The following AGPAT3 variants were observed in gnomAD, a reference collection of about 807,000 sequenced individuals.
AGPAT3 encodes the protein 1-acylglycerol-3-phosphate O-acyltransferase 3, also known as 1-acyl-sn-glycerol-3-phosphate acyltransferase gamma.
AGPAT3 carries 5 observed loss-of-function variants against 47.3 expected under a neutral mutation model. The observed-to-expected ratio is 0.11, with a 90% CI of 0.06 to 0.22. The LOEUF (loss-of-function observed/expected upper bound fraction) is 0.22, where lower values mean the gene tolerates loss of function less well. Among genes scored for constraint, AGPAT3 ranks in the 10% least tolerant of loss-of-function variants. The pLI is 1.00. For missense variants in AGPAT3, 315 were observed against 493.0 expected (o/e 0.64, Z 3.42); for synonymous variants, 212 against 208.3 (o/e 1.02, Z -0.15).
At chr21:43,926,529 G>A (rs1031276749) in intron 2 of AGPAT3, among the ~76,000 whole-genome samples, 37 of 152,106 alleles carry the variant, frequency 2.4e-4, no homozygotes, top group Non-Finnish European at 4.4e-4. Flanking sequence ...GCGTGCACGA[G>A]AGGAGCCCCC....
intron 2 of AGPAT3, among the ~76,000 whole-genome samples, chr21:43,946,653 A>G (rs890268251): frequency 6.6e-6 from 1 of 152,192 alleles, no homozygotes; most frequent in Non-Finnish European, 1.5e-5. Context: ...ATGAATAAGT[A>G]TGCAGCAAAT....
chr21:43,931,032 G>A (rs2087224767), intron 2 of AGPAT3, among the ~76,000 whole-genome samples: 1 of 152,190 alleles, frequency 6.6e-6, no homozygotes, highest in Non-Finnish European at 1.5e-5. Flanking sequence ...GTGGGGCCCT[G>A]GGGTGGGTTT....
chr21:43,877,953 C>T (rs1479722254), intron 1 of AGPAT3, among the ~76,000 whole-genome samples: 2 of 152,050 alleles, frequency 1.3e-5, no homozygotes, highest in Middle Eastern at 3.2e-3. Flanking sequence ...ATTCCCCTTG[C>T]CCGCCTCCTG....
At position 43,970,739 on chromosome 21, in the gene AGPAT3, C is replaced by T; in HGVS notation, c.597C>T (p.Val199=). Reference sequence around the variant, plus strand: ...TGGCGGCTGCTAAGGGGCTTCCTGTCCTCAAGTACCACCTGCTGCCGCGGA... The same window carrying T: ...TGGCGGCTGCTAAGGGGCTTCCTGTTCTCAAGTACCACCTGCTGCCGCGGA... The part of the protein sequence containing the change: ...MEVAAAKGLP[V]LKYHLLPRTK... Residue 199 remains valine (V), a synonymous_variant, in exon 6 of 10, where the codon GTC becomes GTT. Coordinates refer to ENST00000291572, the MANE Select transcript of AGPAT3 (RefSeq NM_020132.5). This position sits in a 1 kb window ranked among gnomAD's most constrained non-coding sequence, Gnocchi z 5.8. 1 of 1,612,366 alleles carries T rather than the reference C, an allele frequency of 6.2e-7. No homozygotes were observed.
chr21:43,969,380 A>G (rs73906692), intron 5 of AGPAT3, 101 bp downstream of exon 5: 161,892 of 1,456,694 alleles, frequency 0.11, 10,081 homozygotes, highest in African/African-American at 0.24. Context: ...ACCCCATGAG[A>G]GCCTCTGCAC....
At chr21:43,894,018 G>A (rs987006332) in intron 1 of AGPAT3, among the ~76,000 whole-genome samples, 14 of 152,158 alleles carry the variant, frequency 9.2e-5, no homozygotes, top group African/African-American at 1.7e-4. Flanking sequence ...GAACCTTCAC[G>A]CTGCAAAAAC....
rs1298878261 is a variant in AGPAT3 at position 43,987,367 on chromosome 21, C to G, written c.*4975C>G. 6.6e-6 allele frequency among the ~76,000 whole-genome samples: 1 copy of G among 152,070 alleles called. No homozygotes were observed. The highest frequency in any genetic ancestry group is 1.5e-5 in the Non-Finnish European group (1 of 67,998). On this transcript the variant is annotated 3_prime_UTR_variant, in exon 10 of 10. Transcript: ENST00000291572. ...ATTGAAAAGGAGAGCGGTCACCTGGCAAAAACACAGGGGAAATCAGCCAGT... is the reference window on the plus strand; with the variant it reads ...ATTGAAAAGGAGAGCGGTCACCTGGGAAAAACACAGGGGAAATCAGCCAGT...
At chr21:43,899,850 G>A (rs1280246447) in intron 1 of AGPAT3, among the ~76,000 whole-genome samples, 1 of 152,180 alleles carries the variant, frequency 6.6e-6, no homozygotes, top group Non-Finnish European at 1.5e-5. Flanking sequence ...CCCCGGTGAT[G>A]CTCTCTTGAC....
At chr21:43,974,104 TTATG>T (rs1440420644) in intron 7 of AGPAT3, among the ~76,000 whole-genome samples, 2 of 151,646 alleles carry the variant, frequency 1.3e-5, no homozygotes, top group African/African-American at 2.4e-5. Flanking sequence ...GTGGTGTGTA[TTATG>T]TATGTAGTAT....
chr21:43,979,298 C>CAAAAAAAA (rs540542305), intron 8 of AGPAT3, among the ~76,000 whole-genome samples: 13 of 57,668 alleles, frequency 2.3e-4, no homozygotes, highest in East Asian at 5.5e-4. Context: ...GACTCCAACT[C>CAAAAAAAA]AAAAAAAAAA....
intron 2 of AGPAT3, among the ~76,000 whole-genome samples, chr21:43,944,147 A>G (rs867248572): frequency 6.6e-6 from 1 of 152,358 alleles, no homozygotes. Context: ...CTAGGGCCCC[A>G]GCATTTCACC....
intron 1 of AGPAT3, among the ~76,000 whole-genome samples, chr21:43,891,572 G>A (rs550541534): frequency 2.0e-5 from 3 of 151,854 alleles, no homozygotes; most frequent in South Asian, 2.1e-4. Context: ...GGTGGAGTTT[G>A]CAGTGAGCCG....
At chr21:43,890,668 C>T (rs1467210987) in intron 1 of AGPAT3, among the ~76,000 whole-genome samples, 2 of 151,276 alleles carry the variant, frequency 1.3e-5, no homozygotes, top group Non-Finnish European at 2.9e-5. Flanking sequence ...CCGCCTCGGC[C>T]TCCCAAATTG....
chr21:43,959,522 T>C (rs1050491247), intron 2 of AGPAT3, 112 bp from the exon 3 acceptor site: 4 of 906,514 alleles, frequency 4.4e-6, no homozygotes, highest in Non-Finnish European at 1.7e-6. Context: ...CTGTGCAGCA[T>C]GTGTGTATAA....
intron 1 of AGPAT3, among the ~76,000 whole-genome samples, chr21:43,865,887 C>T (rs1053662498): frequency 6.6e-6 from 1 of 151,942 alleles, no homozygotes; most frequent in African/African-American, 2.4e-5. Context: ...AGCAGTTTCA[C>T]TTTTGCCGCT....
intron 5 of AGPAT3, 114 bp downstream of exon 5, chr21:43,969,393 G>T: frequency 7.3e-7 from 1 of 1,375,566 alleles, no homozygotes; most frequent in South Asian, 1.3e-5. Flanking sequence ...CTCTGCACAT[G>T]GGGTGCTGTT....
chr21:43,866,207 A>AC (rs889270834), intron 1 of AGPAT3, among the ~76,000 whole-genome samples: 8 of 151,758 alleles, frequency 5.3e-5, no homozygotes, highest in Non-Finnish European at 2.9e-5. Context: ...TTTAAAAAAA[A>AC]AAAAGCACAA....
chr21:43,966,439 AG>A (rs1320923280), intron 3 of AGPAT3: 1 of 152,232 alleles, frequency 6.6e-6, no homozygotes, highest in East Asian at 1.9e-4. Context: ...CCCCACACGC[AG>A]GATTTCCTCC....
At chr21:43,901,219 A>G (rs2086343176) in intron 1 of AGPAT3, among the ~76,000 whole-genome samples, 1 of 151,664 alleles carries the variant, frequency 6.6e-6, no homozygotes, top group East Asian at 1.9e-4. Context: ...CAGCTACTCA[A>G]CGGCAGAGGC....
Sources: gnomAD v4.1 joint callset for allele counts (sites outside exome capture counted in the v4.1 genomes callset) on GRCh38, gnomAD v4.1.1 for gene constraint, Gnocchi (gnomAD v3.1) non-coding constraint, MANE v1.5 for transcripts, NCBI Gene and HGNC (gene_info 2026-07-23, HGNC 2026-07-21) for gene names.